The following NTAN1 variants were observed in gnomAD, a reference collection of about 807,000 sequenced individuals.
The protein encoded by NTAN1 is protein N-terminal asparagine amidohydrolase.
Under a neutral mutation model 41.9 loss-of-function variants are expected in NTAN1, and 32 were observed. The ratio of observed to expected loss-of-function variants is 0.76; its 90% CI spans 0.58 to 1.03. The LOEUF is 1.03. Among genes scored for constraint, NTAN1 ranks in the 50% least tolerant of loss-of-function variants. The pLI, the probability that NTAN1 is intolerant of heterozygous loss-of-function variation, is 0.00. For synonymous variants in NTAN1, 140 were observed against 139.5 expected (o/e 1.00, Z -0.03); for missense variants, 377 against 377.5 (o/e 1.00, Z 0.01).
chr16:15,045,496 G>C (rs2044021939), intron 4 of NTAN1: 1 of 152,182 alleles, frequency 6.6e-6, no homozygotes, highest in African/African-American at 2.4e-5. Context: ...TTGAGGCCAG[G>C]TGTGCTGGCA....
intron 1 of NTAN1, among the ~76,000 whole-genome samples, chr16:15,053,062 C>T (rs955654394): frequency 1.3e-5 from 2 of 152,120 alleles, no homozygotes; most frequent in South Asian, 2.1e-4. Context: ...GCTGTCTGCT[C>T]GGCACTTGAA....
At chr16:15,043,874 G>C (rs1389324443) in intron 5 of NTAN1, among the ~76,000 whole-genome samples, 1 of 152,074 alleles carries the variant, frequency 6.6e-6, no homozygotes, top group Non-Finnish European at 1.5e-5. Flanking sequence ...CTTGAACCCA[G>C]GAGGCAGAGC....
chr16:15,039,841 G>A, intron 8 of NTAN1, 128 bp downstream of exon 8: 1 of 664,860 alleles, frequency 1.5e-6, no homozygotes, highest in Non-Finnish European at 2.7e-6. Context: ...GTATGTGCTG[G>A]TCCCTGATAA....
chr16:15,040,261 A>T, intron 7 of NTAN1, 195 bp from the exon 8 acceptor site: 2 of 438,556 alleles, frequency 4.6e-6, no homozygotes, highest in Admixed American at 8.5e-5. Context: ...AAAATCGCTG[A>T]GGCTCGAGCT....
chr16:15,047,602 G>T, intron 3 of NTAN1, 52 bp from the exon 4 acceptor site: 1 of 1,329,400 alleles, frequency 7.5e-7, no homozygotes, highest in Non-Finnish European at 1.1e-6. Context: ...CGAGTGCAGT[G>T]CGCAGGCCGA....
At chr16:15,045,313 A>G (rs1388333771) in intron 4 of NTAN1, 1 of 151,766 alleles carries the variant, frequency 6.6e-6, no homozygotes, top group African/African-American at 2.4e-5. Context: ...GAAAAAATAA[A>G]TAAGTAAGTT....
chr16:15,037,972 C>CCAGCCCCACCAAT lies in NTAN1; in HGVS notation c.*46_*58dup. ...TGTAGGATCCAGATCTGGATTCGTG[C>CCAGCCCCACCAAT]CAGCCCCACCAATGGTCTGTCAGGC... On this transcript the variant is annotated 3_prime_UTR_variant, in exon 10 of 10. Transcript: ENST00000287706. The CCAGCCCCACCAAT allele has an allele frequency of 7.6e-7, 1 of 1,320,116 alleles. No homozygotes were observed. Among genetic ancestry groups the CCAGCCCCACCAAT allele is most frequent in the African/African-American group, 1.5e-5 (1 of 68,798 alleles). The allele number at this position is 1,320,116 out of a possible 1,614,324, so 81.8% of individuals were successfully genotyped here.
In NTAN1 at chr16:15,055,962, G is replaced by A; in HGVS notation, c.10C>T (p.Leu4Phe). The part of the protein sequence containing the change: MPL[L>F]VEGRRVRLPQ... ...AGCCGCACTCGCCGCCCCTCGACGA[G>A]CAGCGGCATCGCGGAGGCGGCCGCC... is the stretch of plus-strand genomic sequence containing the variant. The change falls in exon 1 of 10, where the codon CTC becomes TTC. Residue 4 changes from leucine (L) to phenylalanine (F), a missense_variant. Physicochemically the swap from Leu to Phe is conservative, Grantham distance 22. Transcript: ENST00000287706. The A allele has an allele frequency of 2.4e-6, 3 of 1,227,090 alleles. No homozygotes were observed. Among genetic ancestry groups the A allele is most frequent in the Non-Finnish European group, 3.0e-6 (3 of 984,414 alleles). 76.0% of individuals were successfully genotyped at this position (1,227,090 alleles called of 1,614,324 possible). A position where few individuals can be genotyped will look rare whatever the true frequency, so the allele number is the denominator to read the frequency against.
At chr16:15,045,712 G>A (rs1254786376) in intron 4 of NTAN1, 1 of 152,216 alleles carries the variant, frequency 6.6e-6, no homozygotes. Flanking sequence ...GAAGTCCTGC[G>A]ACTGAAAAAT....
At chr16:15,040,151 TAAGAGA>T in intron 7 of NTAN1, 85 bp from the exon 8 acceptor site, 1 of 720,716 alleles carries the variant, frequency 1.4e-6, no homozygotes, top group Non-Finnish European at 2.4e-6. Context: ...CCACCACTCC[TAAGAGA>T]AAGATAGGAA....
At position 15,047,029 on chromosome 16, in the gene NTAN1, C is replaced by T. The variant is rs549115028; in HGVS notation, c.359+413G>A. Reference sequence around the variant, plus strand: ...GCTTCGGAATACAAACACCTTGGGCCGGGCTTTCTGTCTACTCTTCACTGC... The same window carrying T: ...GCTTCGGAATACAAACACCTTGGGCTGGGCTTTCTGTCTACTCTTCACTGC... On this transcript the variant is annotated intron_variant, in intron 4 of 9. Transcript: ENST00000287706. Among the ~76,000 whole-genome samples, 16 of 152,274 alleles carry T rather than the reference C, an allele frequency of 1.1e-4. No individual in the cohort carries two copies. In the South Asian group the frequency reaches 2.7e-3, roughly 26 times the overall value.
At chr16:15,038,307 A>T in intron 9 of NTAN1, 97 bp from the exon 10 acceptor site, 1 of 849,856 alleles carries the variant, frequency 1.2e-6, no homozygotes, top group Admixed American at 2.8e-5. Context: ...ACACAAATAT[A>T]TATAATAAAA....
At chr16:15,039,287 A>ATGTT (rs796437564) in intron 8 of NTAN1, among the ~76,000 whole-genome samples, 2 of 152,314 alleles carry the variant, frequency 1.3e-5, no homozygotes, top group African/African-American at 4.8e-5. Flanking sequence ...AGTCCTAAAA[A>ATGTT]TGTTAAAAGG....
intron 5 of NTAN1, among the ~76,000 whole-genome samples, chr16:15,044,110 T>C (rs1302773016): frequency 6.6e-6 from 1 of 152,098 alleles, no homozygotes; most frequent in Non-Finnish European, 1.5e-5. Flanking sequence ...TTCACTGCTG[T>C]TTTAGTAGAA....
chr16:15,044,569 C>G (rs1213078629), intron 4 of NTAN1, 162 bp from the exon 5 acceptor site: 13 of 619,536 alleles, frequency 2.1e-5, no homozygotes, highest in Non-Finnish European at 3.2e-5. Context: ...CAGCACACTG[C>G]CAAGGCCAGT....
intron 9 of NTAN1, 40 bp downstream of exon 9, chr16:15,038,534 G>T: frequency 9.1e-7 from 1 of 1,102,990 alleles, no homozygotes; most frequent in African/African-American, 1.6e-5. Flanking sequence ...GGAAACCAGG[G>T]TGCAGAGATT....
chr16:15,049,703 G>C (rs2044222043), intron 1 of NTAN1, among the ~76,000 whole-genome samples: 2 of 152,174 alleles, frequency 1.3e-5, no homozygotes, highest in African/African-American at 4.8e-5. Flanking sequence ...TGGGATTATA[G>C]CATGAGCCAC....
intron 4 of NTAN1, chr16:15,046,068 CAG>C (rs746539725): frequency 1.3e-5 from 2 of 152,282 alleles, no homozygotes; most frequent in African/African-American, 4.8e-5. Flanking sequence ...AACCACGGAG[CAG>C]AGTGTGTGGC....
At chr16:15,044,663 C>T (rs2043972752) in intron 4 of NTAN1, 5 of 537,944 alleles carry the variant, frequency 9.3e-6, no homozygotes, top group Admixed American at 6.6e-5. Flanking sequence ...CGCCTCCATG[C>T]ACCAGTGGGG....
Sources: gnomAD v4.1 joint callset for allele counts (sites outside exome capture counted in the v4.1 genomes callset) on GRCh38, gnomAD v4.1.1 for gene constraint, MANE v1.5 for transcripts, NCBI Gene and HGNC (gene_info 2026-07-23, HGNC 2026-07-21) for gene names.